SYNJ2: variants seen among roughly 807,000 people sequenced by gnomAD.
The protein encoded by SYNJ2 is synaptojanin 2.
SYNJ2 carries 116 observed loss-of-function variants against 141.3 expected under a neutral mutation model. The observed-to-expected ratio is 0.82, with a 90% CI of 0.71 to 0.96. The LOEUF is 0.96. SYNJ2 is among the 40% of genes least tolerant of loss of function. The pLI is 0.00. For missense variants in SYNJ2, 1,873 were observed against 1,934.8 expected, an observed-to-expected ratio of 0.97 and a Z score of 0.60; for synonymous variants, 745 against 777.7, an observed-to-expected ratio of 0.96 and a Z score of 0.70.
chr6:158,063,908 C>T (rs1255324469), intron 9 of SYNJ2, 36 bp downstream of exon 9: 3 of 1,607,678 alleles, frequency 1.9e-6, no homozygotes, highest in Middle Eastern at 1.7e-4. Context: ...GCCATCTGTG[C>T]CAGGTCCTGT....
chr6:158,017,045 A>G, intron 1 of SYNJ2, 159 bp from the exon 2 acceptor site: 2 of 1,338,596 alleles, frequency 1.5e-6, no homozygotes, highest in Non-Finnish European at 1.9e-6. Context: ...TGATTCGCGA[A>G]TCATAAAACC....
rs1034663724 is a variant in SYNJ2, at chr6:157,981,922, G to A, written c.-40G>A. 1 of 1,223,072 alleles carries A rather than the reference G, an allele frequency of 8.2e-7. No homozygotes were observed. Among genetic ancestry groups the A allele is most frequent in the Non-Finnish European group, 1.0e-6 (1 of 981,754 alleles). The allele number at this position is 1,223,072 out of a possible 1,614,324, so 75.8% of individuals were successfully genotyped here. ...GTCGCGGGCAGCGCGCCCTCGGGAG[G>A]ACGTGGCCCCGGCCCCCGCCCGCAG... On this transcript the variant is annotated 5_prime_UTR_variant, in exon 1 of 27. Coordinates refer to ENST00000355585, the MANE Select transcript of SYNJ2 (RefSeq NM_003898.4). This position sits in a 1 kb window ranked among gnomAD's most constrained non-coding sequence, Gnocchi z 6.4.
At chr6:157,981,576 G>C (rs1211805730), upstream of SYNJ2, among the ~76,000 whole-genome samples, 3 of 152,042 alleles carry the variant, frequency 2.0e-5, no homozygotes, top group Admixed American at 2.0e-4. This position sits in a 1 kb window ranked among gnomAD's most constrained non-coding sequence, Gnocchi z 6.4. Flanking sequence ...GCGGGCGGCC[G>C]GCATCGCAGC....
At chr6:157,996,328 G>A (rs577912050) in intron 1 of SYNJ2, among the ~76,000 whole-genome samples, 2 of 151,934 alleles carry the variant, frequency 1.3e-5, no homozygotes, top group African/African-American at 2.4e-5. Context: ...CTGCTACATC[G>A]AGAGTGCAGC....
chr6:158,072,988 G>A (rs1480010095), intron 15 of SYNJ2, among the ~76,000 whole-genome samples: 4 of 149,982 alleles, frequency 2.7e-5, no homozygotes, highest in South Asian at 2.1e-4. Flanking sequence ...CAGGAGAATC[G>A]CAACCCAGGA....
At chr6:158,042,069 C>T (rs1176173706) in intron 4 of SYNJ2, among the ~76,000 whole-genome samples, 3 of 152,220 alleles carry the variant, frequency 2.0e-5, no homozygotes, top group Admixed American at 6.5e-5. Context: ...TTTCCAGGAA[C>T]CTGGGCCTAT....
chr6:158,086,844 A>G lies in SYNJ2; in HGVS notation c.3209-11A>G, dbSNP rs1286717550. ...CAGACCATTGTACTCATGCCCCGCCATGTCCTCCAGATGACGCGGACCTGG... is the reference window on the plus strand; with the variant it reads ...CAGACCATTGTACTCATGCCCCGCCGTGTCCTCCAGATGACGCGGACCTGG... On this transcript the variant is annotated splice_polypyrimidine_tract_variant and intron_variant, in intron 22 of 26. Coordinates refer to ENST00000355585, the MANE Select transcript of SYNJ2 (RefSeq NM_003898.4). The G allele has an allele frequency of 3.1e-6, 5 of 1,611,358 alleles. No homozygotes were observed. Among genetic ancestry groups the G allele is most frequent in the Admixed American group, 3.3e-5 (2 of 60,008 alleles).
chr6:157,995,999 T>C (rs924921321), intron 1 of SYNJ2, among the ~76,000 whole-genome samples: 1 of 152,214 alleles, frequency 6.6e-6, no homozygotes, highest in East Asian at 1.9e-4. Context: ...ATCAACACTA[T>C]AGAGATGGCA....
intron 7 of SYNJ2, among the ~76,000 whole-genome samples, chr6:158,059,705 C>G (rs1781093100): frequency 6.6e-6 from 1 of 152,186 alleles, no homozygotes; most frequent in Admixed American, 6.5e-5. Context: ...CAGGCACTTG[C>G]CACCACGCCT....
Position 158,083,595 on chromosome 6 carries a change from A to C in SYNJ2, c.3032A>C (p.Glu1011Ala). ...TTCACAAGTTTGGACTATGAGTCAG[A>C]AGGTTAGTGACCCTGCAGGGAGGGA... ...FDFTSLDYES[E>A]GDILEDDEDY... The change falls in exon 21 of 27, where the codon GAA (glutamate) becomes GCA (alanine). Residue 1011 changes from glutamate (E) to alanine (A), a missense_variant and splice_region_variant. By Grantham distance (107) the Glu-to-Ala change is moderately radical. Coordinates refer to ENST00000355585, the MANE Select transcript of SYNJ2 (RefSeq NM_003898.4). 1 of 1,614,140 alleles carries C rather than the reference A, an allele frequency of 6.2e-7. No homozygotes were observed. Among genetic ancestry groups the C allele is most frequent in the Non-Finnish European group, 8.5e-7 (1 of 1,180,026 alleles).
intron 23 of SYNJ2, among the ~76,000 whole-genome samples, chr6:158,087,261 C>T (rs1038163467): frequency 1.3e-5 from 2 of 152,202 alleles, no homozygotes; most frequent in African/African-American, 4.8e-5. Context: ...CCCTTGGCAG[C>T]ATTAGAGGAT....
chr6:158,043,236 T>C lies in SYNJ2; in HGVS notation c.712-80T>C, dbSNP rs6919013. The C allele has an allele frequency of 8.2e-3, 10,334 of 1,263,304 alleles. 534 individuals are homozygous for C. In the African/African-American group the frequency reaches 0.12, roughly 15 times the overall value. 78.3% of individuals were successfully genotyped at this position (1,263,304 alleles called of 1,614,324 possible). The stretch of plus-strand genomic sequence containing the variant: ...ATTCTGGCTGGTGTCGGGTCACAGG[T>C]GGCCGGATCCCGTTACCCAGCCCAG... On this transcript the variant is annotated intron_variant, in intron 4 of 26. Transcript: ENST00000355585. This position sits in a 1 kb window ranked among gnomAD's most constrained non-coding sequence, Gnocchi z 4.0.
intron 1 of SYNJ2, among the ~76,000 whole-genome samples, chr6:157,986,013 A>C (rs1258639620): frequency 1.3e-5 from 2 of 152,240 alleles, no homozygotes; most frequent in Non-Finnish European, 2.9e-5. Flanking sequence ...AGGGCAGAGC[A>C]GGACTCAGTC....
intron 2 of SYNJ2, among the ~76,000 whole-genome samples, chr6:158,018,356 C>T (rs763036429): frequency 3.3e-5 from 5 of 152,226 alleles, no homozygotes; most frequent in Admixed American, 6.5e-5. Context: ...CTTCTGGGGC[C>T]GAGACAAGAG....
chr6:158,043,425 C>T lies in SYNJ2; in HGVS notation c.795+26C>T. 1 of 1,574,146 alleles carries T rather than the reference C, an allele frequency of 6.4e-7. No homozygotes were observed. The highest frequency in any genetic ancestry group is 8.7e-7 in the Non-Finnish European group (1 of 1,144,326). On this transcript the variant is annotated intron_variant, in intron 5 of 26. Transcript: ENST00000355585. The surrounding 1 kb of genome is among the most constrained non-coding windows in gnomAD (Gnocchi z 4.0). ...GTAGGTCATGAAAAAACTTAAATGT[C>T]CCCTTGTGATGTTGTCCGCCCTGCC...
At position 158,033,609 on chromosome 6, in the gene SYNJ2, A is replaced by G; in HGVS notation, c.640A>G (p.Thr214Ala). The stretch of plus-strand genomic sequence containing the variant: ...CGTCTCTCGCGTTAGCTGTGAGCGC[A>G]CAGGCACTCGCTTCCACACCCGTGG... ...CLVSRVSCER[T>A]GTRFHTRGVN... Residue 214 changes from threonine (T) to alanine (A), a missense_variant, in exon 4 of 27, where the codon ACA (threonine) becomes GCA (alanine). By Grantham distance (58) the Thr-to-Ala change is moderately conservative (BLOSUM62 0). Coordinates refer to ENST00000355585, the MANE Select transcript of SYNJ2 (RefSeq NM_003898.4). 1 of 1,613,790 alleles carries G rather than the reference A, an allele frequency of 6.2e-7. No individual in the cohort carries two copies. Among genetic ancestry groups the G allele is most frequent in the Non-Finnish European group, 8.5e-7 (1 of 1,180,028 alleles).
chr6:158,039,763 G>A (rs1482870223), intron 4 of SYNJ2, among the ~76,000 whole-genome samples: 3 of 144,318 alleles, frequency 2.1e-5, no homozygotes, highest in Non-Finnish European at 4.6e-5. Context: ...TCGCCCCAGG[G>A]TGCAGGGAGC....
intron 17 of SYNJ2, chr6:158,077,915 A>G: frequency 3.4e-6 from 1 of 294,260 alleles, no homozygotes; most frequent in South Asian, 4.2e-5. Flanking sequence ...TCTCAAGCCT[A>G]CAGTGGGCAT....
At chr6:158,039,283 C>G (rs1045719265) in intron 4 of SYNJ2, among the ~76,000 whole-genome samples, 3 of 152,266 alleles carry the variant, frequency 2.0e-5, no homozygotes, top group Admixed American at 2.0e-4. Flanking sequence ...TCCTGCGAAG[C>G]GGCAGCCCCG....
Sources: allele counts gnomAD v4.1 joint callset (sites outside exome capture counted in the v4.1 genomes callset), GRCh38; gene constraint gnomAD v4.1.1; non-coding constraint Gnocchi (gnomAD v3.1); transcripts MANE v1.5; gene names NCBI Gene and HGNC (gene_info 2026-07-23, HGNC 2026-07-21).